The following WWOX variants were observed in gnomAD, a reference collection of about 807,000 sequenced individuals.
WWOX encodes WW domain-containing oxidoreductase.
WWOX carries 69 observed loss-of-function variants against 46.2 expected under a neutral mutation model. That is an observed-to-expected ratio of 1.49 (90% confidence interval 1.23 to 1.82). The LOEUF (loss-of-function observed/expected upper bound fraction) is 1.82, where lower values mean the gene tolerates loss of function less well. Among genes scored for constraint, WWOX ranks in the 40% most tolerant of loss-of-function variants. The probability of loss-of-function intolerance (pLI) is 0.00; values close to 1 mark genes in which losing one functional copy is unlikely to be tolerated. For synonymous variants in WWOX, 359 were observed against 202.6 expected, an observed-to-expected ratio of 1.77 and a Z score of -6.56; for missense variants, 919 against 542.6, an observed-to-expected ratio of 1.69 and a Z score of -6.89.
intron 8 of WWOX, chr16:79,016,337 C>T (rs965385831): frequency 4.6e-5 from 7 of 152,276 alleles, no homozygotes; most frequent in African/African-American, 1.7e-4. Context: ...GGTGGTTGCT[C>T]CTCCTGCAGT....
chr16:78,555,614 A>ACTG (rs1047919030), intron 8 of WWOX, among the ~76,000 whole-genome samples: 1 of 134,088 alleles, frequency 7.5e-6, no homozygotes, highest in East Asian at 2.2e-4. Flanking sequence ...TACTTGCATT[A>ACTG]TTGTTGTTGT....
chr16:79,125,713 C>G (rs1207934515), intron 8 of WWOX, among the ~76,000 whole-genome samples: 1 of 152,156 alleles, frequency 6.6e-6, no homozygotes, highest in East Asian at 1.9e-4. Context: ...ATTGTGAATC[C>G]CTGATCTGGA....
intron 3 of WWOX, 49 bp downstream of exon 3, chr16:78,109,884 G>T (rs558099779): frequency 4.4e-6 from 7 of 1,589,688 alleles, no homozygotes; most frequent in Non-Finnish European, 6.0e-6. Flanking sequence ...TTTTTAATAG[G>T]AATTTTTAAT....
chr16:78,958,204 A>T (rs768519257), intron 8 of WWOX, among the ~76,000 whole-genome samples: 4 of 152,162 alleles, frequency 2.6e-5, no homozygotes, highest in Admixed American at 6.5e-5. Context: ...AGCTGACTTA[A>T]ACACTCAGCT....
intron 1 of WWOX, among the ~76,000 whole-genome samples, chr16:78,107,404 G>A (rs2032216982): frequency 6.6e-6 from 1 of 152,210 alleles, no homozygotes. Context: ...CAGAATAACA[G>A]CTTACATTTC....
chr16:79,191,746 G>A (rs575464823), intron 8 of WWOX, among the ~76,000 whole-genome samples: 2 of 152,272 alleles, frequency 1.3e-5, no homozygotes, highest in East Asian at 3.9e-4. Context: ...CAAAAGTAGT[G>A]GAGCCTCAAG....
intron 8 of WWOX, among the ~76,000 whole-genome samples, chr16:78,951,400 A>C (rs1159141999): frequency 6.6e-6 from 1 of 152,104 alleles, no homozygotes; most frequent in Non-Finnish European, 1.5e-5. Context: ...CATGTAAATC[A>C]TTGAGCCAAT....
At chr16:78,786,517 C>T (rs1382376780) in intron 8 of WWOX, among the ~76,000 whole-genome samples, 3 of 152,090 alleles carry the variant, frequency 2.0e-5, no homozygotes, top group Non-Finnish European at 4.4e-5. Context: ...TTAATAGTAA[C>T]CTTATATAAT....
At chr16:78,845,011 C>T (rs531334716) in intron 8 of WWOX, among the ~76,000 whole-genome samples, 3 of 152,152 alleles carry the variant, frequency 2.0e-5, no homozygotes, top group African/African-American at 4.8e-5. Context: ...TCCAACCATG[C>T]GGACACAGCG....
At chr16:78,205,462 C>A (rs1021448328) in intron 5 of WWOX, among the ~76,000 whole-genome samples, 1 of 151,930 alleles carries the variant, frequency 6.6e-6, no homozygotes, top group African/African-American at 2.4e-5. Context: ...TGCCCATCTG[C>A]CCACCTACCC....
At position 78,859,978 on chromosome 16, in the gene WWOX, A is replaced by G. The variant is rs145831972; in HGVS notation, c.1057-351630A>G. Among the ~76,000 whole-genome samples the G allele has an allele frequency of 3.2e-3, 488 of 152,348 alleles. 3 individuals carry two copies. Among genetic ancestry groups the G allele is most frequent in the African/African-American group, 0.011 (461 of 41,580 alleles). On this transcript the variant is annotated intron_variant, in intron 8 of 8. Transcript: ENST00000566780. ...GATTTGGTGACATATCCAGATAGCTATAGCAAATAGCTATAATGCCTTAGA... is the reference window on the plus strand; with the variant it reads ...GATTTGGTGACATATCCAGATAGCTGTAGCAAATAGCTATAATGCCTTAGA...
chr16:78,578,066 A>G (rs149014356), intron 8 of WWOX, among the ~76,000 whole-genome samples: 2 of 151,768 alleles, frequency 1.3e-5, no homozygotes, highest in South Asian at 2.1e-4. Context: ...TTTGGGGAAC[A>G]TCACTAGCCA....
intron 5 of WWOX, among the ~76,000 whole-genome samples, chr16:78,306,344 A>G (rs569832311): frequency 1.3e-5 from 2 of 152,240 alleles, no homozygotes; most frequent in South Asian, 4.1e-4. Context: ...ATGGGTTGTT[A>G]TGTGTTACTG....
chr16:78,453,815 G>C (rs56953982), intron 8 of WWOX, among the ~76,000 whole-genome samples: 18,249 of 151,518 alleles, frequency 0.12, 1,711 homozygotes, highest in African/African-American at 0.26. Context: ...TTTATTGAAA[G>C]CCTTTTTACC....
chr16:79,107,836 G>C (rs1938317705), intron 8 of WWOX, among the ~76,000 whole-genome samples: 1 of 152,174 alleles, frequency 6.6e-6, no homozygotes, highest in Non-Finnish European at 1.5e-5. Flanking sequence ...TAGCCATAAT[G>C]TCTAATAATT....
chr16:79,209,254 C>A (rs995001661), intron 8 of WWOX, among the ~76,000 whole-genome samples: 10 of 152,214 alleles, frequency 6.6e-5, no homozygotes, highest in Non-Finnish European at 1.5e-4. Context: ...GGTAGGTCCC[C>A]AGCTCCTGCA....
chr16:78,327,559 A>G (rs1041835465), intron 5 of WWOX, among the ~76,000 whole-genome samples: 9 of 152,102 alleles, frequency 5.9e-5, no homozygotes, highest in Admixed American at 4.6e-4. Flanking sequence ...TCCTCCAATC[A>G]TTTGGGGTAT....
intron 5 of WWOX, among the ~76,000 whole-genome samples, chr16:78,170,928 G>A (rs920443110): frequency 6.6e-6 from 1 of 152,190 alleles, no homozygotes; most frequent in Non-Finnish European, 1.5e-5. Flanking sequence ...GCAACCACAC[G>A]GTTTGCTGCT....
At chr16:79,120,935 A>G (rs1045790851) in intron 8 of WWOX, among the ~76,000 whole-genome samples, 8 of 151,856 alleles carry the variant, frequency 5.3e-5, no homozygotes, top group Non-Finnish European at 1.0e-4. Flanking sequence ...TGCCCGGTCA[A>G]TTTTTGTATT....
Sources: gnomAD v4.1 joint callset for allele counts (sites outside exome capture counted in the v4.1 genomes callset) on GRCh38, gnomAD v4.1.1 for gene constraint, MANE v1.5 for transcripts, NCBI Gene and HGNC (gene_info 2026-07-23, HGNC 2026-07-21) for gene names.